Variants in MED30 observed in about 807,000 individuals in gnomAD.
The protein encoded by MED30 is mediator complex subunit 30.
MED30 carries 8 observed loss-of-function variants against 21.7 expected under a neutral mutation model. The observed-to-expected ratio is 0.37, with a 90% CI of 0.22 to 0.67. MED30 has a LOEUF of 0.67. Ranked by LOEUF, MED30 falls within the 30% of genes least tolerant of loss-of-function variation. The pLI, the probability that MED30 is intolerant of heterozygous loss-of-function variation, is 0.58. For synonymous variants in MED30, 79 were observed against 86.7 expected, an observed-to-expected ratio of 0.91 and a Z score of 0.49; for missense variants, 203 against 228.2, an observed-to-expected ratio of 0.89 and a Z score of 0.71.
chr8:117,535,280 T>C (rs1818856521), intron 3 of MED30, among the ~76,000 whole-genome samples: 1 of 149,874 alleles, frequency 6.7e-6, no homozygotes, highest in African/African-American at 2.5e-5. Flanking sequence ...AATCTCTCTC[T>C]GTCACCCAGG....
At position 117,530,629 on chromosome 8, in the gene MED30, T is replaced by C. The variant is rs1479813000; in HGVS notation, c.337-94T>C. On this transcript the variant is annotated intron_variant, in intron 2 of 3. Coordinates refer to ENST00000297347, the MANE Select transcript of MED30 (RefSeq NM_080651.4). ...AATTATTTTTATACAAATAAAAGTATAAAAATTGACCTTAATCTGATATAT... is the reference window on the plus strand; with the variant it reads ...AATTATTTTTATACAAATAAAAGTACAAAAATTGACCTTAATCTGATATAT... 4 of 780,204 alleles carry C rather than the reference T, an allele frequency of 5.1e-6. No homozygotes were observed. In the Admixed American group the frequency reaches 9.3e-5, roughly 18 times the overall value. 48.3% of individuals were successfully genotyped at this position (780,204 alleles called of 1,614,324 possible).
At chr8:117,523,591 T>G in intron 1 of MED30, 1 of 1,602,220 alleles carries the variant, frequency 6.2e-7, no homozygotes, top group Non-Finnish European at 8.5e-7. Context: ...TTCCTTCACG[T>G]AGCCTCAGGA....
At chr8:117,534,868 T>TTTTTTTA (rs1554634554) in intron 3 of MED30, among the ~76,000 whole-genome samples, 9 of 150,094 alleles carry the variant, frequency 6.0e-5, no homozygotes, top group African/African-American at 2.2e-4. Context: ...TTTTTTTTTT[T>TTTTTTTA]ACCAAAAGGG....
intron 3 of MED30, among the ~76,000 whole-genome samples, 184 bp from the exon 4 acceptor site, chr8:117,539,699 G>A (rs1008257617): frequency 2.6e-5 from 4 of 152,362 alleles, no homozygotes; most frequent in South Asian, 4.1e-4. Flanking sequence ...TGGATTTTTA[G>A]AATTCAGGAT....
intron 3 of MED30, among the ~76,000 whole-genome samples, chr8:117,537,118 G>GT (rs1245123052): frequency 6.6e-6 from 1 of 152,186 alleles, no homozygotes; most frequent in Non-Finnish European, 1.5e-5. Context: ...ATAGTAGGTA[G>GT]TATTTACAAG....
intron 1 of MED30, among the ~76,000 whole-genome samples, chr8:117,525,704 T>A (rs1818708578): frequency 1.3e-5 from 2 of 152,118 alleles, no homozygotes. Context: ...ACTGAATAAT[T>A]CACTTGCTTC....
At position 117,520,721 on chromosome 8, in the gene MED30, T is replaced by C. The variant is rs554424228; in HGVS notation, c.-156T>C. On this transcript the variant is annotated 5_prime_UTR_variant, in exon 1 of 4. Transcript: ENST00000297347. ...CTATGACGTTTTCTGACGTGTTACGTCACAGTGGGCGGAAGTCGCGGCCGC... is the reference window on the plus strand; with the variant it reads ...CTATGACGTTTTCTGACGTGTTACGCCACAGTGGGCGGAAGTCGCGGCCGC... 1.0e-4 allele frequency: 73 copies of C among 701,124 alleles called. No homozygotes were observed. Among genetic ancestry groups the C allele is most frequent in the African/African-American group, 4.8e-4 (26 of 54,050 alleles). The allele number at this position is 701,124 out of a possible 1,614,324, so 43.4% of individuals were successfully genotyped here. A position where few individuals can be genotyped will look rare whatever the true frequency, so the allele number is the denominator to read the frequency against.
intron 1 of MED30, 87 bp downstream of exon 1, chr8:117,521,140 T>A (rs1486428577): frequency 7.5e-7 from 1 of 1,337,022 alleles, no homozygotes; most frequent in South Asian, 1.5e-5. Context: ...CCCGTGGATG[T>A]CATCGGGGCT....
At position 117,521,110 on chromosome 8, in the gene MED30, G is replaced by T. The variant is rs1818608877; in HGVS notation, c.177+57G>T. ...TGCAGCTGGGAGGGAAAGGGCCTCT[G>T]GTTTCCTCTTTACGTGGGGCCCGTG... On this transcript the variant is annotated intron_variant, in intron 1 of 3. Coordinates refer to ENST00000297347, the MANE Select transcript of MED30 (RefSeq NM_080651.4). 1.3e-5 allele frequency: 20 copies of T among 1,493,708 alleles called. No individual in the cohort carries two copies. The South Asian group carries it at 2.6e-4, about 19-fold the overall frequency. 92.5% of individuals were successfully genotyped at this position (1,493,708 alleles called of 1,614,324 possible).
intron 1 of MED30, among the ~76,000 whole-genome samples, chr8:117,526,238 T>A (rs1193640617): frequency 6.6e-6 from 1 of 152,076 alleles, no homozygotes; most frequent in East Asian, 1.9e-4. Context: ...TATCATATTA[T>A]TTGTAAATAG....
intron 2 of MED30, among the ~76,000 whole-genome samples, chr8:117,530,090 A>G (rs1471252149): frequency 1.3e-5 from 2 of 151,996 alleles, no homozygotes; most frequent in East Asian, 1.9e-4. Context: ...AAATTCCATC[A>G]CTAACCATGC....
intron 3 of MED30, among the ~76,000 whole-genome samples, chr8:117,538,937 C>T (rs562798331): frequency 3.3e-5 from 5 of 152,092 alleles, no homozygotes; most frequent in African/African-American, 4.8e-5. Context: ...TGATTTCTGC[C>T]GCACTTTTGA....
intron 1 of MED30, among the ~76,000 whole-genome samples, chr8:117,522,017 G>A (rs1004107279): frequency 6.6e-6 from 1 of 152,148 alleles, no homozygotes; most frequent in Non-Finnish European, 1.5e-5. Flanking sequence ...TTTACGTCCC[G>A]ATTATTGCTA....
At chr8:117,527,829 G>T (rs1377782014) in intron 1 of MED30, among the ~76,000 whole-genome samples, 1 of 151,734 alleles carries the variant, frequency 6.6e-6, no homozygotes, top group Non-Finnish European at 1.5e-5. Context: ...TGATGACACA[G>T]ATCAGATTGT....
chr8:117,534,201 T>C lies in MED30; in HGVS notation c.441+3374T>C, dbSNP rs931560228. Among the ~76,000 whole-genome samples the C allele has an allele frequency of 4.6e-5, 7 of 151,814 alleles. No individual in the cohort carries two copies. The South Asian group carries it at 1.0e-3, about 23-fold the overall frequency. Reference sequence around the variant, plus strand: ...TATTCTCGGTGGCATCCCTCTTGCATGCCCAGGCCTTCTCTGAGTCACTGA... The same window carrying C: ...TATTCTCGGTGGCATCCCTCTTGCACGCCCAGGCCTTCTCTGAGTCACTGA... On this transcript the variant is annotated intron_variant, in intron 3 of 3. Transcript: ENST00000297347.
chr8:117,540,149 A>G lies in MED30; in HGVS notation c.*171A>G, dbSNP rs1331705719. The G allele has an allele frequency of 2.4e-6, 1 of 408,766 alleles. No homozygotes were observed. Among genetic ancestry groups the G allele is most frequent in the Admixed American group, 4.6e-5 (1 of 21,952 alleles). The allele number at this position is 408,766 out of a possible 1,614,324, so 25.3% of individuals were successfully genotyped here. ...TAAAATATTAACTTTTTTTAATGCT[A>G]TTTTATGAAAGATTATTGTAATAAA... is the stretch of plus-strand genomic sequence containing the variant. On this transcript the variant is annotated 3_prime_UTR_variant, in exon 4 of 4. Coordinates refer to ENST00000297347, the MANE Select transcript of MED30 (RefSeq NM_080651.4).
chr8:117,523,974 A>C (rs1818680142), intron 1 of MED30: 2 of 251,958 alleles, frequency 7.9e-6, no homozygotes, highest in East Asian at 8.8e-5. Context: ...GCGCCACTGC[A>C]CTCCAGGCTG....
intron 1 of MED30, among the ~76,000 whole-genome samples, chr8:117,525,874 A>G (rs900161185): frequency 1.3e-5 from 2 of 152,050 alleles, no homozygotes; most frequent in Admixed American, 6.5e-5. Context: ...TTCCCTGGCT[A>G]TTCTTGCTTA....
At position 117,528,737 on chromosome 8, in the gene MED30, C is replaced by T; in HGVS notation, c.264C>T (p.Leu88=). 1.2e-6 allele frequency: 2 copies of T among 1,611,526 alleles called. No individual in the cohort carries two copies. The highest frequency in any genetic ancestry group is 1.7e-6 in the Non-Finnish European group (2 of 1,178,580). The change falls in exon 2 of 4, where the codon CTC becomes CTT. Residue 88 remains leucine, a synonymous_variant. Transcript: ENST00000297347. ...ATAATCTTCGCCAACTTTCAGTTCT[C>T]TTCAGGAAGCTGAGATTGGTATATG... ...LQDNLRQLSV[L]FRKLRLVYDK...
Sources: gnomAD v4.1 joint callset for allele counts (sites outside exome capture counted in the v4.1 genomes callset) on GRCh38, gnomAD v4.1.1 for gene constraint, MANE v1.5 for transcripts, NCBI Gene and HGNC (gene_info 2026-07-23, HGNC 2026-07-21) for gene names.